Variants in RNF220 observed in about 807,000 individuals in gnomAD.
RNF220 encodes E3 ubiquitin-protein ligase RNF220.
In RNF220, 7 loss-of-function variants were observed where a neutral mutation model predicts 67.1. That is an observed-to-expected ratio of 0.10 (90% CI 0.06 to 0.20). RNF220 has a LOEUF of 0.20. Ranked by LOEUF, RNF220 falls within the 10% of genes least tolerant of loss-of-function variation. The pLI is 1.00. For synonymous variants in RNF220, 270 were observed against 283.2 expected (o/e 0.95, Z 0.47); for missense variants, 565 against 740.3 (o/e 0.76, Z 2.75).
intron 2 of RNF220, among the ~76,000 whole-genome samples, chr1:44,469,986 G>A (rs557326720): frequency 2.6e-5 from 4 of 151,294 alleles, no homozygotes; most frequent in South Asian, 2.1e-4. Context: ...GGATGAAGGC[G>A]TAAAGGACAC....
At chr1:44,636,294 G>A (rs1437127055) in intron 8 of RNF220, 132 bp downstream of exon 8, 2 of 1,190,562 alleles carry the variant, frequency 1.7e-6, no homozygotes, top group East Asian at 4.9e-5. Context: ...GACTGCTGCT[G>A]GTGGGGCTCC....
chr1:44,517,152 T>C (rs1452135625), intron 2 of RNF220, among the ~76,000 whole-genome samples: 2 of 152,208 alleles, frequency 1.3e-5, no homozygotes, highest in African/African-American at 2.4e-5. Flanking sequence ...CTGTCACTGC[T>C]GGAACTGTCT....
chr1:44,617,368 G>A (rs2148437952), intron 3 of RNF220, among the ~76,000 whole-genome samples: 1 of 152,250 alleles, frequency 6.6e-6, no homozygotes, highest in South Asian at 2.1e-4. Context: ...CCTCCCTGCG[G>A]CCGCTGCGCC....
chr1:44,444,147 A>C (rs1651841934), intron 2 of RNF220, among the ~76,000 whole-genome samples: 1 of 152,194 alleles, frequency 6.6e-6, no homozygotes, highest in Non-Finnish European at 1.5e-5. Flanking sequence ...AGCCCCTTGT[A>C]TGTTTCTCCT....
chr1:44,480,830 G>T (rs753576116), intron 2 of RNF220, among the ~76,000 whole-genome samples: 1 of 152,100 alleles, frequency 6.6e-6, no homozygotes. Context: ...AGGTTGCAGT[G>T]AGCTGAGATT....
At chr1:44,588,234 G>T (rs1665848692) in intron 2 of RNF220, among the ~76,000 whole-genome samples, 1 of 152,216 alleles carries the variant, frequency 6.6e-6, no homozygotes, top group Non-Finnish European at 1.5e-5. Flanking sequence ...TTCTCAGCAG[G>T]ACGGCAGCTC....
intron 2 of RNF220, among the ~76,000 whole-genome samples, chr1:44,549,520 C>T (rs1662448990): frequency 6.6e-6 from 1 of 152,134 alleles, no homozygotes; most frequent in Admixed American, 6.5e-5. Flanking sequence ...AGGTGTTCAC[C>T]AGCCAGCAGG....
intron 2 of RNF220, among the ~76,000 whole-genome samples, chr1:44,594,534 T>G (rs1666341813): frequency 1.3e-5 from 2 of 152,194 alleles, no homozygotes; most frequent in South Asian, 4.1e-4. Flanking sequence ...CTCTTTTCCT[T>G]TGTCTGGAGC....
At chr1:44,443,660 G>A (rs946681911) in intron 2 of RNF220, among the ~76,000 whole-genome samples, 1 of 152,144 alleles carries the variant, frequency 6.6e-6, no homozygotes, top group East Asian at 1.9e-4. Context: ...CTGTTAATGA[G>A]TATTTTGGTT....
chr1:44,553,253 A>G (rs888546435), intron 2 of RNF220, among the ~76,000 whole-genome samples: 13 of 152,028 alleles, frequency 8.6e-5, no homozygotes, highest in South Asian at 2.1e-4. Context: ...GGTCTCTCCA[A>G]CAAAATTGTG....
At chr1:44,429,864 A>T (rs1038856619) in intron 2 of RNF220, among the ~76,000 whole-genome samples, 6 of 152,244 alleles carry the variant, frequency 3.9e-5, no homozygotes, top group African/African-American at 1.4e-4. Context: ...ATTCAACTTA[A>T]GAATTTATCC....
intron 2 of RNF220, among the ~76,000 whole-genome samples, chr1:44,439,543 T>C: frequency 6.6e-6 from 1 of 152,172 alleles, no homozygotes; most frequent in East Asian, 1.9e-4. Flanking sequence ...TTATTTATTT[T>C]TATTTTATTT....
intron 6 of RNF220, among the ~76,000 whole-genome samples, chr1:44,633,282 T>C (rs949749232): frequency 1.3e-5 from 2 of 152,166 alleles, no homozygotes; most frequent in Non-Finnish European, 2.9e-5. Context: ...GAAAACAGGC[T>C]CTGAGAGGTG....
At chr1:44,427,113 A>G (rs1326441754) in intron 2 of RNF220, among the ~76,000 whole-genome samples, 1 of 152,134 alleles carries the variant, frequency 6.6e-6, no homozygotes, top group Non-Finnish European at 1.5e-5. Flanking sequence ...TCCCTACGAG[A>G]TAGGTGTTAT....
At chr1:44,430,659 CT>C (rs528112829) in intron 2 of RNF220, among the ~76,000 whole-genome samples, 26 of 152,290 alleles carry the variant, frequency 1.7e-4, no homozygotes, top group African/African-American at 5.8e-4. Flanking sequence ...AGTTCTCTGC[CT>C]CAGCCTCCTG....
chr1:44,607,992 T>C (rs1280921778), intron 2 of RNF220, among the ~76,000 whole-genome samples: 15 of 150,366 alleles, frequency 1.0e-4, no homozygotes, highest in Admixed American at 3.3e-4. Context: ...GGTGCGATCA[T>C]AGCTCACTGC....
In RNF220 at chr1:44,412,959, C is replaced by T. The variant is rs79625502; in HGVS notation, c.625+237C>T. 0.01 allele frequency among the ~76,000 whole-genome samples: 1,597 copies of T among 152,254 alleles called. 7 individuals carry two copies. The highest frequency in any genetic ancestry group is 0.016 in the Non-Finnish European group (1,122 of 68,002). ...TTGGCCCCAGCACAGCCTTTCTCTCCGGACCCTAGTGGGCTTATTCTCTGA... is the reference window on the plus strand; with the variant it reads ...TTGGCCCCAGCACAGCCTTTCTCTCTGGACCCTAGTGGGCTTATTCTCTGA... On this transcript the variant is annotated intron_variant, in intron 2 of 14. Transcript: ENST00000361799. The surrounding 1 kb of genome is among the most constrained non-coding windows in gnomAD (Gnocchi z 5.3).
Position 44,645,354 on chromosome 1 carries a change from C to A in RNF220, c.1367-56C>A. The A allele has an allele frequency of 6.2e-7, 1 of 1,612,964 alleles. No individual in the cohort carries two copies. The highest frequency in any genetic ancestry group is 8.5e-7 in the Non-Finnish European group (1 of 1,178,956). Reference sequence around the variant, plus strand: ...GGTGGTGACTGACTCAAGCCCAACCCCTCACCTGTGCTGCCCAGTCTGGCC... The same window carrying A: ...GGTGGTGACTGACTCAAGCCCAACCACTCACCTGTGCTGCCCAGTCTGGCC... On this transcript the variant is annotated intron_variant, in intron 11 of 14. Transcript: ENST00000361799. This position sits in a 1 kb window ranked among gnomAD's most constrained non-coding sequence, Gnocchi z 5.0.
intron 2 of RNF220, among the ~76,000 whole-genome samples, chr1:44,494,413 G>A (rs934789134): frequency 2.0e-5 from 3 of 152,144 alleles, no homozygotes; most frequent in African/African-American, 4.8e-5. Context: ...AGCATTTGCA[G>A]CATTGTTTGA....
Sources: allele counts gnomAD v4.1 joint callset (sites outside exome capture counted in the v4.1 genomes callset), GRCh38; gene constraint gnomAD v4.1.1; non-coding constraint Gnocchi (gnomAD v3.1); transcripts MANE v1.5; gene names NCBI Gene and HGNC (gene_info 2026-07-23, HGNC 2026-07-21).